Variants in TSHZ1 observed in about 807,000 individuals in gnomAD.
TSHZ1 encodes the protein teashirt homolog 1.
TSHZ1 carries 12 observed loss-of-function variants against 67.1 expected under a neutral mutation model. The observed-to-expected ratio is 0.18, with a 90% confidence interval of 0.11 to 0.29. The LOEUF (loss-of-function observed/expected upper bound fraction) is 0.29. Ranked by LOEUF, TSHZ1 falls within the 10% of genes least tolerant of loss-of-function variation. The pLI is 1.00. For missense variants in TSHZ1, 1,305 were observed against 1,413.9 expected (o/e 0.92, Z 1.23); for synonymous variants, 632 against 622.4 (o/e 1.02, Z -0.23).
chr18:75,263,521 A>G (rs996289746), intron 1 of TSHZ1, among the ~76,000 whole-genome samples: 7 of 152,184 alleles, frequency 4.6e-5, no homozygotes, highest in Non-Finnish European at 8.8e-5. Context: ...AACATAATTA[A>G]ATTATGTACT....
Position 75,287,122 on chromosome 18 carries a change from C to T in TSHZ1, c.1715C>T (p.Ser572Leu). ...AISKAQNGAP[S>L]WGGYPSIHAA... Reference sequence around the variant, plus strand: ...AGCAAAGCTCAGAATGGTGCGCCCTCATGGGGTGGCTACCCCAGCATCCAT... The same window carrying T: ...AGCAAAGCTCAGAATGGTGCGCCCTTATGGGGTGGCTACCCCAGCATCCAT... The change falls in exon 2 of 2, where the codon TCA (serine) becomes TTA (leucine). Residue 572 changes from serine (S) to leucine (L), a missense_variant. Ser to Leu is a moderately radical substitution (Grantham distance 145). Around this residue, in one of 3 missense-constraint regions of TSHZ1, gnomAD observed 909 missense variants for 961.8 expected, o/e 0.95. Coordinates refer to ENST00000580243, the MANE Select transcript of TSHZ1 (RefSeq NM_001308210.2). The surrounding 1 kb of genome is among the most constrained non-coding windows in gnomAD (Gnocchi z 5.0). The T allele has an allele frequency of 6.2e-7, 1 of 1,614,148 alleles. No homozygotes were observed. Among genetic ancestry groups the T allele is most frequent in the Non-Finnish European group, 8.5e-7 (1 of 1,180,034 alleles).
intron 1 of TSHZ1, among the ~76,000 whole-genome samples, chr18:75,233,311 G>T (rs1203005154): frequency 6.6e-6 from 1 of 152,176 alleles, no homozygotes; most frequent in East Asian, 1.9e-4. Context: ...ACTTTTGGGG[G>T]AATTTGGAAT....
Position 75,273,023 on chromosome 18 carries a change from G to A in TSHZ1, c.41-12425G>A, listed in dbSNP as rs80124046. Reference sequence around the variant, plus strand: ...CATCAGGATATTTTGCCACCGAGGAGGAAGAGATGGGGTACAGGGATGTTC... The same window carrying A: ...CATCAGGATATTTTGCCACCGAGGAAGAAGAGATGGGGTACAGGGATGTTC... On this transcript the variant is annotated intron_variant, in intron 1 of 1. Transcript: ENST00000580243. Among the ~76,000 whole-genome samples the A allele has an allele frequency of 6.5e-3, 994 of 152,320 alleles. 10 individuals are homozygous for A. Among genetic ancestry groups the A allele is most frequent in the African/African-American group, 0.021 (881 of 41,568 alleles).
intron 1 of TSHZ1, among the ~76,000 whole-genome samples, chr18:75,217,695 A>G (rs1244094393): frequency 6.6e-6 from 1 of 152,176 alleles, no homozygotes; most frequent in East Asian, 1.9e-4. Context: ...CATGCAAAAT[A>G]TTATGTATAT....
Sources: gnomAD v4.1 joint callset for allele counts (sites outside exome capture counted in the v4.1 genomes callset) on GRCh38, gnomAD v4.1.1 for gene constraint, gnomAD v4.1.1 regional missense constraint, Gnocchi (gnomAD v3.1) non-coding constraint, MANE v1.5 for transcripts, NCBI Gene and HGNC (gene_info 2026-07-23, HGNC 2026-07-21) for gene names.